Variants in SEMA5A observed in about 807,000 individuals in gnomAD.
SEMA5A encodes semaphorin 5A.
SEMA5A carries 55 observed loss-of-function variants against 135.5 expected under a neutral mutation model. The ratio of observed to expected loss-of-function variants is 0.41; its 90% CI spans 0.33 to 0.51. SEMA5A has a LOEUF of 0.51. SEMA5A is among the 20% of genes least tolerant of loss of function. SEMA5A has a pLI of 0.37. For synonymous variants in SEMA5A, 580 were observed against 546.5 expected, an observed-to-expected ratio of 1.06 and a Z score of -0.85; for missense variants, 1,290 against 1,419.9, an observed-to-expected ratio of 0.91 and a Z score of 1.47.
At chr5:9,051,753 G>T in intron 20 of SEMA5A, 120 bp downstream of exon 20, 1 of 1,229,080 alleles carries the variant, frequency 8.1e-7, no homozygotes, top group South Asian at 1.4e-5. Flanking sequence ...AAACCATGGG[G>T]CTTGATGGAA....
At position 9,181,844 on chromosome 5, in the gene SEMA5A, C is replaced by T. The variant is rs528750088; in HGVS notation, c.1273+8423G>A. 1.7e-3 allele frequency among the ~76,000 whole-genome samples: 254 copies of T among 152,118 alleles called. 2 individuals carry two copies. The highest frequency in any genetic ancestry group is 3.4e-3 in the Middle Eastern group (1 of 294). On this transcript the variant is annotated intron_variant, in intron 11 of 22. Coordinates refer to ENST00000382496, the MANE Select transcript of SEMA5A (RefSeq NM_003966.3). ...TGCCAACCCCGCATGGTACTCGATT[C>T]AATCTGCTGTCTCCCCCAACCCCCT...
rs116086250 is a variant in SEMA5A, at chr5:9,298,910, T to G, written c.270+19462A>C. Reference sequence around the variant, plus strand: ...ATTTCAGTAATGAACTCTCACAGCCTTCAGCTCTGCCCACTGTTGAAGAGA... The same window carrying G: ...ATTTCAGTAATGAACTCTCACAGCCGTCAGCTCTGCCCACTGTTGAAGAGA... On this transcript the variant is annotated intron_variant, in intron 5 of 22. Transcript: ENST00000382496. Among the ~76,000 whole-genome samples, 862 of 152,318 alleles carry G rather than the reference T, an allele frequency of 5.7e-3. 7 individuals are homozygous for G. Among genetic ancestry groups the G allele is most frequent in the African/African-American group, 0.019 (803 of 41,560 alleles).
chr5:9,336,596 A>T (rs1753401719), intron 4 of SEMA5A, among the ~76,000 whole-genome samples: 1 of 152,198 alleles, frequency 6.6e-6, no homozygotes, highest in Non-Finnish European at 1.5e-5. Flanking sequence ...ACGTCAAAAG[A>T]GGTGAAGGTA....
chr5:9,442,218 G>A (rs369764425), intron 1 of SEMA5A, among the ~76,000 whole-genome samples: 19 of 152,210 alleles, frequency 1.2e-4, no homozygotes, highest in African/African-American at 4.1e-4. Flanking sequence ...CTAACCATGT[G>A]GTTAATGGCT....
At position 9,544,829 on chromosome 5, in the gene SEMA5A, G is replaced by C. The variant is rs1257574900; in HGVS notation, c.-175+755C>G. Among the ~76,000 whole-genome samples the C allele has an allele frequency of 1.3e-5, 2 of 152,180 alleles. 1 individual carries two copies. The highest frequency in any genetic ancestry group is 4.1e-4 in the South Asian group (2 of 4,828). On this transcript the variant is annotated intron_variant, in intron 1 of 22. Coordinates refer to ENST00000382496, the MANE Select transcript of SEMA5A (RefSeq NM_003966.3). ...CCGGCCGCCGCGGGGAGCGAGCCGG[G>C]GGAATCACTCCTCCACGACCGTTCC... is the stretch of plus-strand genomic sequence containing the variant.
intron 3 of SEMA5A, among the ~76,000 whole-genome samples, chr5:9,374,948 A>C (rs1430913180): frequency 6.6e-6 from 1 of 151,878 alleles, no homozygotes; most frequent in East Asian, 1.9e-4. Flanking sequence ...TGCTTAAACA[A>C]TCATCTCCCC....
chr5:9,331,508 T>G (rs1414642707), intron 4 of SEMA5A, among the ~76,000 whole-genome samples: 1 of 152,202 alleles, frequency 6.6e-6, no homozygotes, highest in Non-Finnish European at 1.5e-5. Flanking sequence ...AAACTTAAGC[T>G]TAACCAATCA....
At chr5:9,353,354 GAAGGA>G (rs1165303205) in intron 3 of SEMA5A, among the ~76,000 whole-genome samples, 12,645 of 54,526 alleles carry the variant, frequency 0.23, 1,470 homozygotes, top group Middle Eastern at 0.43. Flanking sequence ...AAAGGAAAGG[GAAGGA>G]AAGGAAAGGA....
chr5:9,325,087 A>G (rs150906019), intron 4 of SEMA5A, among the ~76,000 whole-genome samples: 1 of 152,362 alleles, frequency 6.6e-6, no homozygotes, highest in East Asian at 1.9e-4. Context: ...TGAATGCATT[A>G]GTTGTATAGC....
intron 3 of SEMA5A, among the ~76,000 whole-genome samples, chr5:9,341,670 T>A (rs891716234): frequency 5.2e-4 from 40 of 77,458 alleles, no homozygotes; most frequent in African/African-American, 1.3e-3. Context: ...ATATATAATA[T>A]ATATTATATA....
At chr5:9,472,438 C>T (rs1285746795) in intron 1 of SEMA5A, among the ~76,000 whole-genome samples, 2 of 152,112 alleles carry the variant, frequency 1.3e-5, no homozygotes, top group Non-Finnish European at 2.9e-5. Context: ...AAACTTCCTG[C>T]CTTGTGTTGA....
rs140052365 is a variant in SEMA5A, at chr5:9,282,131, C to T, written c.270+36241G>A. ...CAGCCCAGGCACCTTTTAAGTAAAGCGAGAGACAGTTCAGTCCTCGTTTCC... is the reference window on the plus strand; with the variant it reads ...CAGCCCAGGCACCTTTTAAGTAAAGTGAGAGACAGTTCAGTCCTCGTTTCC... On this transcript the variant is annotated intron_variant, in intron 5 of 22. Coordinates refer to ENST00000382496, the MANE Select transcript of SEMA5A (RefSeq NM_003966.3). Among the ~76,000 whole-genome samples the T allele has an allele frequency of 8.3e-3, 1,265 of 152,102 alleles. 15 individuals are homozygous for T. Among genetic ancestry groups the T allele is most frequent in the African/African-American group, 0.029 (1,207 of 41,508 alleles).
rs1287322454 is a variant in SEMA5A, at chr5:9,115,793, T to G, written c.1925+3205A>C. The stretch of plus-strand genomic sequence containing the variant: ...CCCTAGTGAGCTCTGCCTCCTGATA[T>G]TCATACCCTGTGTCATCACCTCCTC... On this transcript the variant is annotated intron_variant, in intron 15 of 22. Transcript: ENST00000382496. Among the ~76,000 whole-genome samples, 6 of 152,286 alleles carry G rather than the reference T, an allele frequency of 3.9e-5. No individual in the cohort carries two copies. The South Asian group carries it at 1.2e-3, about 32-fold the overall frequency.
intron 16 of SEMA5A, among the ~76,000 whole-genome samples, chr5:9,097,998 C>T (rs1028133702): frequency 4.6e-5 from 7 of 152,104 alleles, no homozygotes; most frequent in African/African-American, 1.7e-4. Flanking sequence ...AATCCCAGCA[C>T]TTTGGGAGGC....
chr5:9,226,775 T>G, intron 7 of SEMA5A, 94 bp downstream of exon 7: 1 of 917,500 alleles, frequency 1.1e-6, no homozygotes, highest in Non-Finnish European at 1.7e-6. Flanking sequence ...AGCAACACCT[T>G]GGTGTATAGA....
At position 9,044,454 on chromosome 5, in the gene SEMA5A, G is replaced by A. The variant is rs368954618; in HGVS notation, c.3024C>T (p.Pro1008=). 6.9e-5 allele frequency: 112 copies of A among 1,613,844 alleles called. No homozygotes were observed. The Middle Eastern group carries it at 1.0e-3, about 14-fold the overall frequency. The change falls in exon 22 of 23, where the codon CCC becomes CCT. Residue 1008 remains proline, a synonymous_variant. Transcript: ENST00000382496. ...TGGTATTAAGGGGGGCAGGTGAGACGGGGTGGATGACAGTCGCATCGTGGG... is the reference window on the plus strand; with the variant it reads ...TGGTATTAAGGGGGGCAGGTGAGACAGGGTGGATGACAGTCGCATCGTGGG... ...QQSHDATVIH[P]VSPAPLNTSI... is the part of the protein sequence containing the mutation.
chr5:9,141,598 G>A (rs926698954), intron 12 of SEMA5A, among the ~76,000 whole-genome samples: 1 of 152,058 alleles, frequency 6.6e-6, no homozygotes, highest in African/African-American at 2.4e-5. Flanking sequence ...GTATTTTTTA[G>A]AGCTAAACAT....
intron 5 of SEMA5A, among the ~76,000 whole-genome samples, chr5:9,284,874 G>A (rs962449044): frequency 6.6e-6 from 1 of 152,166 alleles, no homozygotes; most frequent in Admixed American, 6.5e-5. Flanking sequence ...AGTACTGGGG[G>A]AGGGAAGGAT....
chr5:9,143,072 T>C (rs1742153503), intron 12 of SEMA5A, among the ~76,000 whole-genome samples: 1 of 152,218 alleles, frequency 6.6e-6, no homozygotes, highest in Admixed American at 6.5e-5. Flanking sequence ...AACTAGAACA[T>C]ACATTTTCAT....
Sources: allele counts gnomAD v4.1 joint callset (sites outside exome capture counted in the v4.1 genomes callset), GRCh38; gene constraint gnomAD v4.1.1; transcripts MANE v1.5; gene names NCBI Gene and HGNC (gene_info 2026-07-23, HGNC 2026-07-21).